FBXO11: variants seen among roughly 807,000 people sequenced by gnomAD.
FBXO11 encodes F-box only protein 11.
A neutral mutation model predicts 117.0 loss-of-function variants in FBXO11; 13 were observed. The observed-to-expected ratio is 0.11, with a 90% confidence interval of 0.07 to 0.18. FBXO11 has a LOEUF of 0.18. Among genes scored for constraint, FBXO11 ranks in the 10% least tolerant of loss-of-function variants. The pLI is 1.00. For missense variants in FBXO11, 767 were observed against 1,164.4 expected (o/e 0.66, Z 4.97); for synonymous variants, 490 against 380.5 (o/e 1.29, Z -3.35).
In FBXO11 at chr2:47,818,802, A is replaced by G. The variant is rs1419613442; in HGVS notation, c.1983T>C (p.His661=). The G allele has an allele frequency of 6.3e-7, 1 of 1,588,288 alleles. No homozygotes were observed. Among genetic ancestry groups the G allele is most frequent in the Non-Finnish European group, 8.5e-7 (1 of 1,173,170 alleles). ...GVLEDNDIYN[H]MYSGVQIRTG... is the part of the protein sequence containing the mutation. ...ACCTTATCTGAACCCCTGAATACATATGATTATAGATATCATTGTCTTCTA... is the reference window on the plus strand; with the variant it reads ...ACCTTATCTGAACCCCTGAATACATGTGATTATAGATATCATTGTCTTCTA... The change falls in exon 16 of 23, where the codon CAT becomes CAC. Residue 661 remains histidine (H), a synonymous_variant. Transcript: ENST00000403359.
intron 14 of FBXO11, among the ~76,000 whole-genome samples, chr2:47,820,033 G>A (rs1671272384): frequency 6.6e-6 from 1 of 152,176 alleles, no homozygotes; most frequent in Non-Finnish European, 1.5e-5. Context: ...AAATTCTGGT[G>A]TAACAAATAT....
chr2:47,875,498 CTT>C lies in FBXO11; in HGVS notation c.232+29989_232+29990del, dbSNP rs59848527. Reference sequence around the variant, plus strand: ...GGAGATTCTGTCATTCTTTTTTTGTCTTTTTTTTTTTTAGCACAGTATAAATA... The same window carrying C: ...GGAGATTCTGTCATTCTTTTTTTGTCTTTTTTTTTTAGCACAGTATAAATA... On this transcript the variant is annotated intron_variant, in intron 1 of 22. Coordinates refer to ENST00000403359, the MANE Select transcript of FBXO11 (RefSeq NM_001190274.2). Among the ~76,000 whole-genome samples, 122 of 145,450 alleles carry C rather than the reference CTT, an allele frequency of 8.4e-4. 1 individual carries two copies. Among genetic ancestry groups the C allele is most frequent in the African/African-American group, 1.1e-3 (46 of 40,022 alleles).
rs528587338 is a variant in FBXO11, at chr2:47,822,576, G to A, written c.1617-273C>T. 2.1e-4 allele frequency among the ~76,000 whole-genome samples: 32 copies of A among 152,268 alleles called. No homozygotes were observed. In the South Asian group the frequency reaches 6.2e-3, roughly 30 times the overall value. ...AGAAACATTTGATGACTATTAACAA[G>A]ATGGAAATCCCAAAATCTACTTCCA... is the stretch of plus-strand genomic sequence containing the variant. On this transcript the variant is annotated intron_variant, in intron 12 of 22. Transcript: ENST00000403359.
chr2:47,858,101 C>A (rs1674455233), intron 1 of FBXO11, among the ~76,000 whole-genome samples: 1 of 151,968 alleles, frequency 6.6e-6, no homozygotes, highest in African/African-American at 2.4e-5. Context: ...TACAAATTAT[C>A]CAAGTTTTAT....
chr2:47,900,557 C>CACGTATATACGTGT (rs1439521456), intron 1 of FBXO11, among the ~76,000 whole-genome samples: 8 of 120,980 alleles, frequency 6.6e-5, no homozygotes, highest in African/African-American at 1.8e-4. Context: ...AGTATATACA[C>CACGTATATACGTGT]GTATATATAC....
chr2:47,849,661 A>G (rs1443874486), intron 1 of FBXO11, among the ~76,000 whole-genome samples: 1 of 152,250 alleles, frequency 6.6e-6, no homozygotes, highest in Non-Finnish European at 1.5e-5. Context: ...GGAATATTTA[A>G]GAACATCTAA....
At chr2:47,900,663 C>T (rs1044963790) in intron 1 of FBXO11, among the ~76,000 whole-genome samples, 1 of 75,852 alleles carries the variant, frequency 1.3e-5, no homozygotes, top group Non-Finnish European at 3.0e-5. Context: ...TATACACACA[C>T]GTACGTATAT....
chr2:47,901,125 G>GTATATA (rs1396541573), intron 1 of FBXO11, among the ~76,000 whole-genome samples: 1 of 92,492 alleles, frequency 1.1e-5, no homozygotes, highest in Non-Finnish European at 2.2e-5. Flanking sequence ...ACACACGTGT[G>GTATATA]TACATGTATA....
At chr2:47,886,109 T>G (rs1676824049) in intron 1 of FBXO11, among the ~76,000 whole-genome samples, 1 of 151,314 alleles carries the variant, frequency 6.6e-6, no homozygotes, top group Non-Finnish European at 1.5e-5. Context: ...TCCCTCCGAA[T>G]CATCAAAATG....
rs148759777 is a variant in FBXO11, at chr2:47,855,457, T to C, written c.233-15688A>G. Among the ~76,000 whole-genome samples the C allele has an allele frequency of 4.7e-4, 72 of 152,246 alleles. 1 individual carries two copies. The highest frequency in any genetic ancestry group is 1.6e-3 in the African/African-American group (67 of 41,550). Reference sequence around the variant, plus strand: ...TGTAATTAGTAAGAAAATAAAAAGATATAAACCCCTACAACAAAGAAAACA... The same window carrying C: ...TGTAATTAGTAAGAAAATAAAAAGACATAAACCCCTACAACAAAGAAAACA... On this transcript the variant is annotated intron_variant, in intron 1 of 22. Coordinates refer to ENST00000403359, the MANE Select transcript of FBXO11 (RefSeq NM_001190274.2).
Position 47,836,652 on chromosome 2 carries a change from A to C in FBXO11, c.588-651T>G, listed in dbSNP as rs1672582405. The stretch of plus-strand genomic sequence containing the variant: ...TTCCTGCAAAAATTTTCACAATGTA[A>C]CTGCGTATGAAAATTTGTCCACACA... On this transcript the variant is annotated intron_variant, in intron 4 of 22. Transcript: ENST00000403359. Among the ~76,000 whole-genome samples the C allele has an allele frequency of 2.0e-5, 3 of 152,090 alleles. No individual in the cohort carries two copies. In the South Asian group the frequency reaches 6.2e-4, roughly 32 times the overall value.
intron 1 of FBXO11, among the ~76,000 whole-genome samples, chr2:47,900,973 G>A (rs1007716653): frequency 8.5e-5 from 12 of 141,402 alleles, no homozygotes; most frequent in South Asian, 2.2e-4. Context: ...CATTCAGTAC[G>A]TATAATATTA....
intron 7 of FBXO11, among the ~76,000 whole-genome samples, chr2:47,833,386 A>C (rs1002332994): frequency 6.6e-6 from 1 of 152,224 alleles, no homozygotes; most frequent in Non-Finnish European, 1.5e-5. Context: ...TGGAAACAGA[A>C]GCTCAAGAAG....
chr2:47,896,354 T>C (rs1677666033), intron 1 of FBXO11, among the ~76,000 whole-genome samples: 1 of 147,482 alleles, frequency 6.8e-6, no homozygotes, highest in African/African-American at 2.5e-5. Context: ...TGAGACAAGG[T>C]CTTAAAACTC....
rs1572785092 is a variant in FBXO11, at chr2:47,823,020, A to C, written c.1616+123T>G. 19 of 624,032 alleles carry C rather than the reference A, an allele frequency of 3.0e-5. No individual in the cohort carries two copies. In the East Asian group the frequency reaches 5.5e-4, roughly 18 times the overall value. 38.7% of individuals were successfully genotyped at this position (624,032 alleles called of 1,614,324 possible). A position where few individuals can be genotyped will look rare whatever the true frequency, so the allele number is the denominator to read the frequency against. On this transcript the variant is annotated intron_variant, in intron 12 of 22. Transcript: ENST00000403359. ...TCAGATGCACAGACTTTAACTAGGA[A>C]AATCTATTTTATAGTAGTCAAATGT...
At chr2:47,867,087 C>T (rs182950559) in intron 1 of FBXO11, among the ~76,000 whole-genome samples, 44 of 152,224 alleles carry the variant, frequency 2.9e-4, no homozygotes, top group African/African-American at 8.9e-4. Context: ...TCTAACATTG[C>T]TTCATTTAAT....
Position 47,823,134 on chromosome 2 carries a change from T to C in FBXO11, c.1616+9A>G. 5 of 1,579,658 alleles carry C rather than the reference T, an allele frequency of 3.2e-6. No homozygotes were observed. Among genetic ancestry groups the C allele is most frequent in the Non-Finnish European group, 4.3e-6 (5 of 1,159,680 alleles). On this transcript the variant is annotated intron_variant, in intron 12 of 22. Coordinates refer to ENST00000403359, the MANE Select transcript of FBXO11 (RefSeq NM_001190274.2). ...AAAGTAATTTTCACCCATAATTATA[T>C]GTAAATACCTTATTGTTGGGTCACT...
At chr2:47,834,985 A>T in intron 5 of FBXO11, 114 bp from the exon 6 acceptor site, 2 of 733,112 alleles carry the variant, frequency 2.7e-6, no homozygotes, top group Non-Finnish European at 4.5e-6. Flanking sequence ...ATTCTCAACT[A>T]TTCCAAATAA....
In FBXO11 at chr2:47,807,580, C is replaced by G. The variant is rs906822433; in HGVS notation, c.*538G>C. On this transcript the variant is annotated 3_prime_UTR_variant, in exon 23 of 23. Coordinates refer to ENST00000403359, the MANE Select transcript of FBXO11 (RefSeq NM_001190274.2). ...GTGTGCTAACAAAACAGGGCACATTCAAGTACAGTAAGATTTTGCTTGAAA... is the reference window on the plus strand; with the variant it reads ...GTGTGCTAACAAAACAGGGCACATTGAAGTACAGTAAGATTTTGCTTGAAA... The G allele has an allele frequency of 4.6e-6, 1 of 216,074 alleles. No individual in the cohort carries two copies. The highest frequency in any genetic ancestry group is 2.3e-5 in the African/African-American group (1 of 44,228). 13.4% of individuals were successfully genotyped at this position (216,074 alleles called of 1,614,324 possible).
Sources: gnomAD v4.1 joint callset for allele counts (sites outside exome capture counted in the v4.1 genomes callset) on GRCh38, gnomAD v4.1.1 for gene constraint, MANE v1.5 for transcripts, NCBI Gene and HGNC (gene_info 2026-07-23, HGNC 2026-07-21) for gene names.